The following LTBP1 variants were observed in gnomAD, a reference collection of about 807,000 sequenced individuals.
The protein encoded by LTBP1 is latent transforming growth factor beta binding protein 1.
Under a neutral mutation model 207.6 loss-of-function variants are expected in LTBP1, and 129 were observed. The ratio of observed to expected loss-of-function variants is 0.62; its 90% CI spans 0.54 to 0.72. The LOEUF (loss-of-function observed/expected upper bound fraction) is 0.72. Ranked by LOEUF, LTBP1 falls within the 30% of genes least tolerant of loss-of-function variation. LTBP1 has a pLI of 0.00. For synonymous variants in LTBP1, 963 were observed against 833.7 expected, an observed-to-expected ratio of 1.16 and a Z score of -2.67; for missense variants, 2,281 against 2,217.2, an observed-to-expected ratio of 1.03 and a Z score of -0.58.
chr2:33,180,727 A>T (rs2086539217), intron 5 of LTBP1, among the ~76,000 whole-genome samples: 2 of 152,090 alleles, frequency 1.3e-5, no homozygotes, highest in Non-Finnish European at 2.9e-5. Context: ...AAGTGCTGGG[A>T]TTACAGGTGT....
chr2:33,190,412 A>T (rs1373862830), intron 7 of LTBP1, among the ~76,000 whole-genome samples: 1 of 152,212 alleles, frequency 6.6e-6, no homozygotes, highest in Non-Finnish European at 1.5e-5. Flanking sequence ...GAAACCTGGG[A>T]AACACTTTTA....
intron 31 of LTBP1, among the ~76,000 whole-genome samples, chr2:33,368,139 G>A (rs1224159583): frequency 2.6e-5 from 4 of 152,076 alleles, no homozygotes; most frequent in African/African-American, 4.8e-5. Context: ...CCTGGGAGGT[G>A]GAGGTTGCAG....
At chr2:33,316,685 A>G (rs1247551911) in intron 24 of LTBP1, among the ~76,000 whole-genome samples, 2 of 152,184 alleles carry the variant, frequency 1.3e-5, no homozygotes, top group African/African-American at 4.8e-5. Flanking sequence ...CAGTGGTTCA[A>G]GTTTTATGTA....
chr2:32,947,084 C>G lies in LTBP1; in HGVS notation c.-241C>G. 1 of 318,464 alleles carries G rather than the reference C, an allele frequency of 3.1e-6. No homozygotes were observed. The highest frequency in any genetic ancestry group is 2.2e-5 in the African/African-American group (1 of 46,042). The allele number at this position is 318,464 out of a possible 1,614,324, so 19.7% of individuals were successfully genotyped here. A position where few individuals can be genotyped will look rare whatever the true frequency, so the allele number is the denominator to read the frequency against. On this transcript the variant is annotated 5_prime_UTR_variant, in exon 1 of 34. Coordinates refer to ENST00000404816, the MANE Select transcript of LTBP1 (RefSeq NM_206943.4). ...CCGCTCCCCTCGCCCCTCCCCGCTC[C>G]CCGGGCTCCGCGCTCCCCACCCCCA...
At chr2:33,176,041 A>G (rs1473047613) in intron 5 of LTBP1, among the ~76,000 whole-genome samples, 1 of 151,166 alleles carries the variant, frequency 6.6e-6, no homozygotes, top group Non-Finnish European at 1.5e-5. Context: ...GCATTAGGAG[A>G]TATACCTAAT....
At chr2:33,012,790 A>G (rs1231765727) in intron 2 of LTBP1, among the ~76,000 whole-genome samples, 2 of 152,250 alleles carry the variant, frequency 1.3e-5, no homozygotes, top group East Asian at 1.9e-4. Flanking sequence ...AGTTATAACA[A>G]TATATGTGCA....
chr2:33,060,170 G>A (rs2077194158), intron 3 of LTBP1, among the ~76,000 whole-genome samples: 1 of 111,926 alleles, frequency 8.9e-6, no homozygotes, highest in African/African-American at 2.8e-5. Flanking sequence ...TAAAACCAGG[G>A]ATTATTTAAG....
At chr2:33,000,857 AG>A (rs1170142286) in intron 2 of LTBP1, among the ~76,000 whole-genome samples, 1 of 134,226 alleles carries the variant, frequency 7.5e-6, no homozygotes, top group African/African-American at 2.6e-5. Flanking sequence ...TGTTGACAGG[AG>A]GGGGGGTTCA....
In LTBP1 at chr2:33,107,696, C is replaced by T. The variant is rs76237195; in HGVS notation, c.864-2886C>T. ...GATTGCATAACAGCTAGATATGAAC[C>T]CTGGATTTATATCTTTTTAATTTCT... On this transcript the variant is annotated intron_variant, in intron 3 of 33. Coordinates refer to ENST00000404816, the MANE Select transcript of LTBP1 (RefSeq NM_206943.4). Among the ~76,000 whole-genome samples, 1,209 of 152,152 alleles carry T rather than the reference C, an allele frequency of 7.9e-3. 11 individuals are homozygous for T. The highest frequency in any genetic ancestry group is 0.01 in the Middle Eastern group (3 of 294).
intron 7 of LTBP1, among the ~76,000 whole-genome samples, chr2:33,208,554 TACC>T (rs2090050341): frequency 6.6e-6 from 1 of 152,100 alleles, no homozygotes; most frequent in Non-Finnish European, 1.5e-5. Flanking sequence ...GGTATGAGGA[TACC>T]ACCAGGCAGG....
At chr2:33,277,010 G>A (rs1233795564) in intron 18 of LTBP1, among the ~76,000 whole-genome samples, 3 of 152,192 alleles carry the variant, frequency 2.0e-5, no homozygotes, top group East Asian at 1.9e-4. Flanking sequence ...CTGGTTCCTT[G>A]GGGTTCCCTG....
intron 5 of LTBP1, among the ~76,000 whole-genome samples, chr2:33,159,913 G>A (rs527984245): frequency 2.7e-3 from 417 of 152,066 alleles, no homozygotes; most frequent in African/African-American, 8.4e-3. Flanking sequence ...ATGGAGTCTC[G>A]CTCTGTTGCC....
chr2:33,018,962 C>G (rs935885830), intron 2 of LTBP1, among the ~76,000 whole-genome samples: 13 of 152,156 alleles, frequency 8.5e-5, no homozygotes, highest in Admixed American at 2.0e-4. Context: ...AAAATCATTA[C>G]TTGCTGTAAC....
At chr2:33,269,118 CAT>C in intron 15 of LTBP1, among the ~76,000 whole-genome samples, 1 of 152,270 alleles carries the variant, frequency 6.6e-6, no homozygotes, top group East Asian at 1.9e-4. Context: ...TTCATTCATT[CAT>C]TCATTCATTC....
At chr2:33,393,965 C>G (rs2095338294) in intron 32 of LTBP1, among the ~76,000 whole-genome samples, 1 of 150,310 alleles carries the variant, frequency 6.7e-6, no homozygotes, top group East Asian at 1.9e-4. Flanking sequence ...TGTTTCCTGA[C>G]TTTTTAATGA....
chr2:33,116,414 T>C (rs771741942), intron 4 of LTBP1, among the ~76,000 whole-genome samples: 4 of 152,224 alleles, frequency 2.6e-5, no homozygotes, highest in African/African-American at 4.8e-5. Context: ...GCAGATGTCA[T>C]GTTTTATACA....
At chr2:33,174,422 T>G (rs2085798915) in intron 5 of LTBP1, among the ~76,000 whole-genome samples, 1 of 152,090 alleles carries the variant, frequency 6.6e-6, no homozygotes. Context: ...TCCAAGATAA[T>G]AAAATACTTA....
intron 7 of LTBP1, among the ~76,000 whole-genome samples, chr2:33,195,843 T>A (rs2148978934): frequency 6.6e-6 from 1 of 152,284 alleles, no homozygotes; most frequent in South Asian, 2.1e-4. Flanking sequence ...ACTTCACTGT[T>A]GTCTTATTTT....
At chr2:33,288,027 G>A (rs1364574163) in intron 19 of LTBP1, among the ~76,000 whole-genome samples, 1 of 152,182 alleles carries the variant, frequency 6.6e-6, no homozygotes, top group Admixed American at 6.5e-5. Context: ...ATAATCCTGT[G>A]TTTTCATGTA....
Sources: gnomAD v4.1 joint callset for allele counts (sites outside exome capture counted in the v4.1 genomes callset) on GRCh38, gnomAD v4.1.1 for gene constraint, MANE v1.5 for transcripts, NCBI Gene and HGNC (gene_info 2026-07-23, HGNC 2026-07-21) for gene names.